Variants in TTC27 observed in about 807,000 individuals in gnomAD.
The protein encoded by TTC27 is tetratricopeptide repeat domain 27.
In TTC27, 79 loss-of-function variants were observed where a neutral mutation model predicts 115.9. The observed-to-expected ratio is 0.68, with a 90% CI of 0.57 to 0.82. The LOEUF is 0.82. Ranked by LOEUF, TTC27 falls within the 40% of genes least tolerant of loss-of-function variation. The pLI is 0.00. For missense variants in TTC27, 1,054 were observed against 993.1 expected, an observed-to-expected ratio of 1.06 and a Z score of -0.82; for synonymous variants, 401 against 356.0, an observed-to-expected ratio of 1.13 and a Z score of -1.42.
intron 12 of TTC27, among the ~76,000 whole-genome samples, chr2:32,744,683 A>T (rs1382222209): frequency 1.3e-5 from 2 of 152,158 alleles, no homozygotes; most frequent in African/African-American, 4.8e-5. Flanking sequence ...GAAACTCTCA[A>T]AATGTTAGTT....
Position 32,758,472 on chromosome 2 carries a change from G to C in TTC27, c.1633G>C (p.Glu545Gln). ...LLHLRNKEFQ[E>Q]CVECFERSVK... ...TCATCTTCGGAACAAGGAGTTTCAAGAGTGTGTAGAGTGCTTCGAACGCTC... is the reference window on the plus strand; with the variant it reads ...TCATCTTCGGAACAAGGAGTTTCAACAGTGTGTAGAGTGCTTCGAACGCTC... The change falls in exon 13 of 20, where the codon GAG becomes CAG. Residue 545 changes from glutamate to glutamine, a missense_variant. Transcript: ENST00000317907. 1 of 1,614,206 alleles carries C rather than the reference G, an allele frequency of 6.2e-7. No individual in the cohort carries two copies. The highest frequency in any genetic ancestry group is 8.5e-7 in the Non-Finnish European group (1 of 1,180,028).
At chr2:32,662,716 C>A (rs1171456104) in intron 5 of TTC27, among the ~76,000 whole-genome samples, 1 of 152,064 alleles carries the variant, frequency 6.6e-6, no homozygotes, top group Non-Finnish European at 1.5e-5. Context: ...TTTCAAAAAA[C>A]CAGCTCTTGG....
intron 16 of TTC27, among the ~76,000 whole-genome samples, chr2:32,801,387 G>A (rs990122636): frequency 6.6e-6 from 1 of 152,226 alleles, no homozygotes; most frequent in South Asian, 2.1e-4. Flanking sequence ...GTGGCTCCTG[G>A]CGTTCCTCGG....
intron 8 of TTC27, among the ~76,000 whole-genome samples, chr2:32,678,506 C>T (rs1188346126): frequency 1.3e-5 from 2 of 151,978 alleles, no homozygotes; most frequent in African/African-American, 4.8e-5. Context: ...CGGCTCACTG[C>T]AAGCTCCGCC....
chr2:32,680,445 A>G (rs1172646982), intron 9 of TTC27, among the ~76,000 whole-genome samples: 2 of 152,148 alleles, frequency 1.3e-5, no homozygotes, highest in Non-Finnish European at 2.9e-5. Flanking sequence ...CAGCTATTTC[A>G]CAGAAGTGCT....
chr2:32,642,408 C>G (rs1035179201), intron 4 of TTC27, among the ~76,000 whole-genome samples: 1 of 151,602 alleles, frequency 6.6e-6, no homozygotes, highest in Admixed American at 6.6e-5. Flanking sequence ...CCCACCACCA[C>G]GTTTGGCTAA....
At chr2:32,746,127 G>T (rs1320780816) in intron 12 of TTC27, among the ~76,000 whole-genome samples, 1 of 152,166 alleles carries the variant, frequency 6.6e-6, no homozygotes, top group Non-Finnish European at 1.5e-5. Flanking sequence ...GATCTTTGGG[G>T]TTTGCATCTG....
At chr2:32,642,207 TAAGG>T (rs1664678033) in intron 4 of TTC27, among the ~76,000 whole-genome samples, 1 of 151,368 alleles carries the variant, frequency 6.6e-6, no homozygotes, top group South Asian at 2.1e-4. Flanking sequence ...CTGTGCTGTG[TAAGG>T]GCTTACTTTC....
At chr2:32,735,239 G>T (rs1198678439) in intron 11 of TTC27, among the ~76,000 whole-genome samples, 4 of 152,152 alleles carry the variant, frequency 2.6e-5, no homozygotes, top group African/African-American at 9.7e-5. Flanking sequence ...AAGTAAAAAA[G>T]CTTTATGATA....
chr2:32,747,106 C>G (rs1668857644), intron 12 of TTC27, among the ~76,000 whole-genome samples: 1 of 152,160 alleles, frequency 6.6e-6, no homozygotes, highest in South Asian at 2.1e-4. Flanking sequence ...ATATCCAGAA[C>G]TGATGTTGGG....
In TTC27 at chr2:32,702,823, C is replaced by T. The variant is rs773219750; in HGVS notation, c.1136C>T (p.Pro379Leu). Residue 379 changes from proline (P) to leucine (L), a missense_variant, in exon 10 of 20, where the codon CCA becomes CTA. Transcript: ENST00000317907. The part of the protein sequence containing the change: ...LAFTSCLLSQ[P>L]KFWAIQTSAL... ...TTCTATCAGTGTTTGCTTTCACAAC[C>T]AAAGTTCTGGGCCATTCAGACATCA... The T allele has an allele frequency of 6.2e-7, 1 of 1,613,270 alleles. No homozygotes were observed. The highest frequency in any genetic ancestry group is 1.3e-5 in the African/African-American group (1 of 74,976).
At chr2:32,668,122 C>T (rs542073418) in intron 7 of TTC27, among the ~76,000 whole-genome samples, 7 of 151,598 alleles carry the variant, frequency 4.6e-5, no homozygotes, top group East Asian at 2.0e-4. Context: ...ATCTGGGAGA[C>T]GGAGCTTGCA....
chr2:32,707,045 C>A (rs751586343), intron 10 of TTC27, among the ~76,000 whole-genome samples: 2 of 152,178 alleles, frequency 1.3e-5, no homozygotes, highest in Non-Finnish European at 2.9e-5. Flanking sequence ...GGCACTTTGT[C>A]CCTTCCCATT....
chr2:32,793,251 A>G (rs568124718), intron 16 of TTC27, among the ~76,000 whole-genome samples: 1 of 152,280 alleles, frequency 6.6e-6, no homozygotes, highest in African/African-American at 2.4e-5. Flanking sequence ...GATATATTCA[A>G]AGTGCTAAAA....
At chr2:32,677,774 C>T (rs1666268203) in intron 8 of TTC27, among the ~76,000 whole-genome samples, 1 of 152,148 alleles carries the variant, frequency 6.6e-6, no homozygotes, top group Non-Finnish European at 1.5e-5. Flanking sequence ...CTAAAATGAT[C>T]CTACCAATAA....
At chr2:32,718,571 T>TC (rs1412393649) in intron 10 of TTC27, among the ~76,000 whole-genome samples, 11 of 152,314 alleles carry the variant, frequency 7.2e-5, no homozygotes, top group African/African-American at 2.6e-4. Context: ...TGACCTGTCT[T>TC]ATATGTTCCT....
At chr2:32,661,915 A>G (rs980963060) in intron 5 of TTC27, among the ~76,000 whole-genome samples, 1 of 152,086 alleles carries the variant, frequency 6.6e-6, no homozygotes, top group Non-Finnish European at 1.5e-5. Flanking sequence ...TGTCATAAAT[A>G]TCTCTTACTA....
chr2:32,735,393 C>CA (rs1209779295), intron 11 of TTC27, among the ~76,000 whole-genome samples: 1 of 152,090 alleles, frequency 6.6e-6, no homozygotes, highest in African/African-American at 2.4e-5. Flanking sequence ...GCTGTTATGA[C>CA]AAAATGTGTC....
chr2:32,803,612 G>T (rs111399903), intron 16 of TTC27, among the ~76,000 whole-genome samples: 2,805 of 152,166 alleles, frequency 0.018, 37 homozygotes, highest in African/African-American at 0.035. Flanking sequence ...GGTTGATGTT[G>T]TGCAAGGTTA....
Sources: allele counts gnomAD v4.1 joint callset (sites outside exome capture counted in the v4.1 genomes callset), GRCh38; gene constraint gnomAD v4.1.1; transcripts MANE v1.5; gene names NCBI Gene and HGNC (gene_info 2026-07-23, HGNC 2026-07-21).